Variants in MRAS observed in about 807,000 individuals in gnomAD.
MRAS encodes the protein ras-related protein M-Ras.
MRAS carries 4 observed loss-of-function variants against 20.9 expected under a neutral mutation model. The observed-to-expected ratio is 0.19, with a 90% CI of 0.09 to 0.44. The LOEUF (loss-of-function observed/expected upper bound fraction) is 0.44. Ranked by LOEUF, MRAS falls within the 20% of genes least tolerant of loss-of-function variation. MRAS has a pLI of 0.99. For synonymous variants in MRAS, 98 were observed against 102.9 expected, an observed-to-expected ratio of 0.95 and a Z score of 0.29; for missense variants, 154 against 277.5, an observed-to-expected ratio of 0.56 and a Z score of 3.16.
intron 2 of MRAS, among the ~76,000 whole-genome samples, chr3:138,383,636 C>T (rs1237572141): frequency 6.6e-6 from 1 of 152,184 alleles, no homozygotes; most frequent in Non-Finnish European, 1.5e-5. Flanking sequence ...TATACCTCTC[C>T]GCCCAGAGTT....
intron 2 of MRAS, among the ~76,000 whole-genome samples, chr3:138,382,130 A>G (rs575963366): frequency 3.3e-5 from 5 of 152,188 alleles, no homozygotes; most frequent in African/African-American, 1.2e-4. Context: ...ATAGGGAAGC[A>G]TGGCTGCTGG....
chr3:138,370,875 G>T (rs556838974), intron 1 of MRAS, among the ~76,000 whole-genome samples: 1 of 152,228 alleles, frequency 6.6e-6, no homozygotes, highest in Non-Finnish European at 1.5e-5. Flanking sequence ...TCCACACCTG[G>T]CATTAGGATC....
rs367915093 is a variant in MRAS at position 138,392,918 on chromosome 3, G to T, written c.194-4406G>T. On this transcript the variant is annotated intron_variant, in intron 2 of 5. Coordinates refer to ENST00000423968, the MANE Select transcript of MRAS (RefSeq NM_001085049.3). ...TTAAGTTTATTTTTGCCTTTTGTTG[G>T]ATTGGTTTCATTTACTTTGTCCTGT... 5.3e-5 allele frequency among the ~76,000 whole-genome samples: 8 copies of T among 152,128 alleles called. No homozygotes were observed. In the East Asian group the frequency reaches 1.4e-3, roughly 26 times the overall value.
At chr3:138,369,011 A>G (rs1020576860) in intron 1 of MRAS, among the ~76,000 whole-genome samples, 2 of 152,022 alleles carry the variant, frequency 1.3e-5, no homozygotes, top group African/African-American at 2.4e-5. Flanking sequence ...TCTAGCTCAC[A>G]CTTGATTCCA....
chr3:138,368,807 G>T (rs148999743), intron 1 of MRAS, among the ~76,000 whole-genome samples: 1 of 152,122 alleles, frequency 6.6e-6, no homozygotes, highest in Admixed American at 6.5e-5. Context: ...TCTCTGTACC[G>T]CATGAGACCA....
chr3:138,358,836 A>C (rs1200598978), intron 1 of MRAS, among the ~76,000 whole-genome samples: 2 of 152,172 alleles, frequency 1.3e-5, no homozygotes, highest in Non-Finnish European at 2.9e-5. Flanking sequence ...GGGGTCAGAG[A>C]AGTATATTTA....
Position 138,398,760 on chromosome 3 carries a change from T to C in MRAS, c.447+192T>C, listed in dbSNP as rs576901189. ...ATGCACATCAGTGTTTCGTCAATGG[T>C]AGAGACAGGTCCCCTAGAAAGAAAG... On this transcript the variant is annotated intron_variant, in intron 4 of 5. Transcript: ENST00000423968. Among the ~76,000 whole-genome samples, 22 of 152,174 alleles carry C rather than the reference T, an allele frequency of 1.4e-4. No individual in the cohort carries two copies. In the East Asian group the frequency reaches 4.3e-3, roughly 29 times the overall value.
chr3:138,371,103 C>T (rs1278812676), intron 1 of MRAS, among the ~76,000 whole-genome samples: 1 of 152,188 alleles, frequency 6.6e-6, no homozygotes, highest in East Asian at 1.9e-4. Flanking sequence ...TAAATTCTCA[C>T]ATGGGGTAGA....
intron 2 of MRAS, among the ~76,000 whole-genome samples, chr3:138,395,257 G>A (rs993038542): frequency 9.2e-5 from 14 of 151,930 alleles, no homozygotes; most frequent in African/African-American, 3.1e-4. Flanking sequence ...GGCTGGTCTC[G>A]AACTCCTGAC....
chr3:138,395,440 C>T (rs1361237451), intron 2 of MRAS, among the ~76,000 whole-genome samples: 3 of 152,170 alleles, frequency 2.0e-5, no homozygotes, highest in African/African-American at 4.8e-5. Flanking sequence ...GCCCCCACCT[C>T]CTCTCCATCC....
intron 1 of MRAS, among the ~76,000 whole-genome samples, chr3:138,353,521 C>T (rs567208414): frequency 6.7e-4 from 102 of 152,306 alleles, no homozygotes; most frequent in Non-Finnish European, 1.3e-3. Flanking sequence ...AGTTCTTTCC[C>T]TTCTTCCCTT....
intron 1 of MRAS, among the ~76,000 whole-genome samples, chr3:138,365,249 C>T (rs1215465695): frequency 6.6e-6 from 1 of 152,208 alleles, no homozygotes; most frequent in South Asian, 2.1e-4. Context: ...TTGCTTTTAA[C>T]GTGATCACTA....
chr3:138,350,942 CA>C (rs66738068), intron 1 of MRAS, among the ~76,000 whole-genome samples: 14,336 of 68,052 alleles, frequency 0.21, 650 homozygotes, highest in East Asian at 0.32. Context: ...GACCCTGTCT[CA>C]AAAAAAAAAA....
chr3:138,366,612 C>T (rs1186863929), intron 1 of MRAS, among the ~76,000 whole-genome samples: 1 of 152,206 alleles, frequency 6.6e-6, no homozygotes, highest in East Asian at 1.9e-4. Context: ...ATGAAGAATG[C>T]CCTGTAGGAT....
intron 1 of MRAS, among the ~76,000 whole-genome samples, chr3:138,354,383 G>A (rs935566354): frequency 7.9e-5 from 12 of 152,196 alleles, no homozygotes. Flanking sequence ...CTCATCCTTT[G>A]CCCTGGCCAG....
At chr3:138,395,242 G>T (rs1350862897) in intron 2 of MRAS, among the ~76,000 whole-genome samples, 2 of 151,788 alleles carry the variant, frequency 1.3e-5, no homozygotes, top group Non-Finnish European at 2.9e-5. Flanking sequence ...GGTTTCATTT[G>T]GCCAGGCTGG....
chr3:138,386,572 C>T (rs919238746), intron 2 of MRAS, among the ~76,000 whole-genome samples: 61 of 152,174 alleles, frequency 4.0e-4, no homozygotes, highest in African/African-American at 1.4e-3. Context: ...CAACCTCTGC[C>T]TCCTGGATTC....
intron 2 of MRAS, among the ~76,000 whole-genome samples, chr3:138,380,002 C>G (rs2054866355): frequency 6.6e-6 from 1 of 151,998 alleles, no homozygotes; most frequent in Non-Finnish European, 1.5e-5. Context: ...TATTTTTTGT[C>G]TTTTTGATAA....
chr3:138,399,646 C>T (rs1199331), intron 4 of MRAS, among the ~76,000 whole-genome samples: 104,206 of 152,178 alleles, frequency 0.68, 35,937 homozygotes, highest in East Asian at 0.96. Flanking sequence ...ATCAGAAAAA[C>T]TTATGAAAAA....
Sources: allele counts gnomAD v4.1 joint callset (sites outside exome capture counted in the v4.1 genomes callset), GRCh38; gene constraint gnomAD v4.1.1; transcripts MANE v1.5; gene names NCBI Gene and HGNC (gene_info 2026-07-23, HGNC 2026-07-21).